The following GPC6 variants were observed in gnomAD, a reference collection of about 807,000 sequenced individuals.
GPC6 encodes the protein glypican-6.
GPC6 carries 14 observed loss-of-function variants against 55.2 expected under a neutral mutation model. The ratio of observed to expected loss-of-function variants is 0.25; its 90% CI spans 0.17 to 0.40. The LOEUF (loss-of-function observed/expected upper bound fraction) is 0.40. GPC6 is among the 10% of genes least tolerant of loss of function. The pLI is 1.00. For synonymous variants in GPC6, 278 were observed against 259.6 expected (o/e 1.07, Z -0.68); for missense variants, 641 against 708.5 (o/e 0.90, Z 1.08).
intron 3 of GPC6, among the ~76,000 whole-genome samples, chr13:93,987,191 A>T (rs1270308280): frequency 1.3e-5 from 2 of 152,202 alleles, no homozygotes; most frequent in Non-Finnish European, 2.9e-5. Context: ...CTTTGGACAT[A>T]AGAATATTTC....
intron 1 of GPC6, among the ~76,000 whole-genome samples, chr13:93,344,498 A>T (rs1257543353): frequency 1.3e-5 from 2 of 152,160 alleles, no homozygotes; most frequent in African/African-American, 2.4e-5. Flanking sequence ...CTCTGGTTTC[A>T]TCAATAAAGT....
chr13:93,284,969 AAC>A (rs1176739850), intron 1 of GPC6, among the ~76,000 whole-genome samples: 28 of 152,290 alleles, frequency 1.8e-4, no homozygotes, highest in African/African-American at 6.5e-4. Context: ...AATAGAAGTT[AAC>A]TAAGTAAAGA....
At chr13:94,110,587 T>G (rs757510975) in intron 4 of GPC6, among the ~76,000 whole-genome samples, 1 of 152,032 alleles carries the variant, frequency 6.6e-6, no homozygotes, top group Non-Finnish European at 1.5e-5. Flanking sequence ...GAGGAGATTT[T>G]TGAGGTGTAT....
intron 4 of GPC6, among the ~76,000 whole-genome samples, chr13:94,048,700 C>A (rs1031110300): frequency 6.6e-6 from 1 of 151,820 alleles, no homozygotes; most frequent in Non-Finnish European, 1.5e-5. Context: ...TTGGTCTGGT[C>A]GCAGGAGGCA....
At chr13:94,082,220 C>G (rs1885126379) in intron 4 of GPC6, among the ~76,000 whole-genome samples, 1 of 152,106 alleles carries the variant, frequency 6.6e-6, no homozygotes, top group Non-Finnish European at 1.5e-5. Flanking sequence ...CTACAACCAA[C>G]ATGTCTTCAT....
chr13:94,188,337 A>G (rs963521170), intron 4 of GPC6, among the ~76,000 whole-genome samples: 2 of 152,124 alleles, frequency 1.3e-5, no homozygotes, highest in Non-Finnish European at 2.9e-5. Context: ...AGGCAGCACA[A>G]GGTCACTGGG....
At chr13:93,751,717 G>A (rs950542485) in intron 2 of GPC6, among the ~76,000 whole-genome samples, 6 of 151,576 alleles carry the variant, frequency 4.0e-5, no homozygotes, top group Admixed American at 6.6e-5. Flanking sequence ...GTAGAAATGC[G>A]GTCTCACCAT....
intron 4 of GPC6, among the ~76,000 whole-genome samples, chr13:94,226,389 G>A (rs556559790): frequency 6.6e-6 from 1 of 152,162 alleles, no homozygotes; most frequent in African/African-American, 2.4e-5. Context: ...AGCTAACAAT[G>A]TTGTGTTTTT....
At chr13:93,631,359 C>T (rs1179693316) in intron 2 of GPC6, among the ~76,000 whole-genome samples, 2 of 152,136 alleles carry the variant, frequency 1.3e-5, no homozygotes, top group Admixed American at 6.5e-5. Context: ...CTCTGGGGAC[C>T]TCTTTACACT....
chr13:93,508,676 G>A (rs1482886765), intron 1 of GPC6, among the ~76,000 whole-genome samples: 3 of 152,178 alleles, frequency 2.0e-5, no homozygotes, highest in Non-Finnish European at 2.9e-5. Context: ...GGTGGCAGAC[G>A]GATGGTGAAT....
chr13:94,364,013 A>G (rs1425963031), intron 6 of GPC6, among the ~76,000 whole-genome samples: 1 of 152,266 alleles, frequency 6.6e-6, no homozygotes, highest in African/African-American at 2.4e-5. Context: ...ATAACATTGA[A>G]GTTAGCTTCA....
At chr13:93,766,599 C>T (rs947024025) in intron 2 of GPC6, among the ~76,000 whole-genome samples, 1 of 144,682 alleles carries the variant, frequency 6.9e-6, no homozygotes, top group Non-Finnish European at 1.5e-5. Context: ...TATATTATGT[C>T]CAAGGAAAAC....
chr13:93,314,938 T>C (rs548073684), intron 1 of GPC6, among the ~76,000 whole-genome samples: 1 of 152,110 alleles, frequency 6.6e-6, no homozygotes, highest in Non-Finnish European at 1.5e-5. Flanking sequence ...AGTTCTGAAG[T>C]TGATGAGAAC....
chr13:93,343,407 G>A (rs1880327818), intron 1 of GPC6, among the ~76,000 whole-genome samples: 2 of 152,066 alleles, frequency 1.3e-5, no homozygotes, highest in South Asian at 2.1e-4. Flanking sequence ...TTATTGCAAA[G>A]GCCCAGTATT....
intron 4 of GPC6, among the ~76,000 whole-genome samples, chr13:94,036,681 G>T (rs1883345139): frequency 6.6e-6 from 1 of 151,964 alleles, no homozygotes; most frequent in African/African-American, 2.4e-5. Flanking sequence ...CCATTTGGTC[G>T]CAAGAGCTGG....
At chr13:94,049,919 G>A (rs1883880840) in intron 4 of GPC6, among the ~76,000 whole-genome samples, 1 of 152,068 alleles carries the variant, frequency 6.6e-6, no homozygotes, top group Non-Finnish European at 1.5e-5. Context: ...CTGTTCTTAT[G>A]GTAGTGAATA....
At chr13:94,313,236 A>G (rs972919730) in intron 6 of GPC6, among the ~76,000 whole-genome samples, 45 of 152,322 alleles carry the variant, frequency 3.0e-4, no homozygotes, top group African/African-American at 1.0e-3. Flanking sequence ...CCAAGTGGGG[A>G]ACATCATAAG....
At chr13:93,621,329 A>G (rs994148769) in intron 2 of GPC6, among the ~76,000 whole-genome samples, 1 of 152,216 alleles carries the variant, frequency 6.6e-6, no homozygotes, top group Non-Finnish European at 1.5e-5. Context: ...AAGTGAGGGC[A>G]TGTAGAATGT....
At chr13:94,249,081 A>T (rs1891278409) in intron 4 of GPC6, among the ~76,000 whole-genome samples, 1 of 152,122 alleles carries the variant, frequency 6.6e-6, no homozygotes, top group South Asian at 2.1e-4. Context: ...ACTTGGTTAG[A>T]ACATGAGGTT....
Sources: allele counts gnomAD v4.1 joint callset (sites outside exome capture counted in the v4.1 genomes callset), GRCh38; gene constraint gnomAD v4.1.1; transcripts MANE v1.5; gene names NCBI Gene and HGNC (gene_info 2026-07-23, HGNC 2026-07-21).